Variants in LTBP1 observed in about 807,000 individuals in gnomAD.
LTBP1 encodes latent transforming growth factor beta binding protein 1, also known as latent-transforming growth factor beta-binding protein 1.
In LTBP1, 129 loss-of-function variants were observed where a neutral mutation model predicts 207.6. The ratio of observed to expected loss-of-function variants is 0.62; its 90% CI spans 0.54 to 0.72. LTBP1 has a LOEUF of 0.72. Among genes scored for constraint, LTBP1 ranks in the 30% least tolerant of loss-of-function variants. The probability of loss-of-function intolerance (pLI) is 0.00; values close to 1 mark genes in which losing one functional copy is unlikely to be tolerated. For missense variants in LTBP1, 2,281 were observed against 2,217.2 expected, an observed-to-expected ratio of 1.03 and a Z score of -0.58; for synonymous variants, 963 against 833.7, an observed-to-expected ratio of 1.16 and a Z score of -2.67.
chr2:33,085,319 T>C (rs2078686328), intron 3 of LTBP1, among the ~76,000 whole-genome samples: 1 of 152,152 alleles, frequency 6.6e-6, no homozygotes, highest in Non-Finnish European at 1.5e-5. Context: ...CCCTGGGAAG[T>C]TAATACACTG....
At chr2:33,378,511 C>T (rs2095172969) in intron 31 of LTBP1, among the ~76,000 whole-genome samples, 1 of 152,112 alleles carries the variant, frequency 6.6e-6, no homozygotes, top group Non-Finnish European at 1.5e-5. Flanking sequence ...GGATTACAGG[C>T]GTGAGTCACC....
chr2:33,255,218 G>A (rs547555831), intron 11 of LTBP1, among the ~76,000 whole-genome samples: 3 of 150,860 alleles, frequency 2.0e-5, no homozygotes, highest in South Asian at 2.1e-4. Flanking sequence ...GAGAATGATG[G>A]TTTCCAATTT....
intron 23 of LTBP1, among the ~76,000 whole-genome samples, chr2:33,309,840 G>A (rs957808454): frequency 2.0e-5 from 3 of 151,888 alleles, no homozygotes; most frequent in African/African-American, 7.3e-5. Context: ...CTTGGTACTG[G>A]GTTCTAAATT....
intron 19 of LTBP1, among the ~76,000 whole-genome samples, chr2:33,287,747 T>C (rs1048299858): frequency 6.6e-6 from 1 of 152,252 alleles, no homozygotes; most frequent in South Asian, 2.1e-4. Context: ...TTGAGGATTA[T>C]GTAACAAATG....
intron 13 of LTBP1, among the ~76,000 whole-genome samples, chr2:33,261,306 T>C (rs569744861): frequency 1.3e-5 from 2 of 152,308 alleles, no homozygotes; most frequent in African/African-American, 4.8e-5. Flanking sequence ...CTTGTTGGCA[T>C]TGGCCATGGC....
chr2:33,170,593 C>T (rs2085344016), intron 5 of LTBP1, among the ~76,000 whole-genome samples: 1 of 152,116 alleles, frequency 6.6e-6, no homozygotes, highest in African/African-American at 2.4e-5. Context: ...CACAGACAAA[C>T]AAAAAGACAG....
At chr2:33,148,922 G>C (rs1324122574) in intron 5 of LTBP1, among the ~76,000 whole-genome samples, 1 of 152,108 alleles carries the variant, frequency 6.6e-6, no homozygotes. Flanking sequence ...ACGTACAAGA[G>C]AGCTCCCATG....
chr2:33,353,589 C>G (rs186949044), intron 26 of LTBP1, among the ~76,000 whole-genome samples: 1 of 152,240 alleles, frequency 6.6e-6, no homozygotes, highest in East Asian at 1.9e-4. Flanking sequence ...CTAGCTACTT[C>G]TACAGAATAA....
chr2:33,225,951 A>G (rs1573292501), intron 9 of LTBP1, among the ~76,000 whole-genome samples: 1 of 152,190 alleles, frequency 6.6e-6, no homozygotes, highest in East Asian at 1.9e-4. Context: ...TGTTTTGTAT[A>G]TACACCACAT....
At chr2:33,363,062 A>G (rs191511796) in intron 28 of LTBP1, among the ~76,000 whole-genome samples, 1 of 152,216 alleles carries the variant, frequency 6.6e-6, no homozygotes, top group Non-Finnish European at 1.5e-5. Flanking sequence ...CTTAAAAGGT[A>G]TATATCCTTT....
At chr2:33,275,249 A>AT (rs927174205) in intron 17 of LTBP1, among the ~76,000 whole-genome samples, 159 bp downstream of exon 17, 1 of 152,158 alleles carries the variant, frequency 6.6e-6, no homozygotes, top group Non-Finnish European at 1.5e-5. Context: ...ATAAAAATGG[A>AT]TTTTTTTCCC....
At chr2:33,235,018 AG>A in intron 9 of LTBP1, among the ~76,000 whole-genome samples, 1 of 152,326 alleles carries the variant, frequency 6.6e-6, no homozygotes, top group South Asian at 2.1e-4. Flanking sequence ...AAACACCAAA[AG>A]CAATGGCAAA....
At chr2:33,393,203 C>T (rs1438836972) in intron 32 of LTBP1, among the ~76,000 whole-genome samples, 1 of 148,966 alleles carries the variant, frequency 6.7e-6, no homozygotes, top group Admixed American at 6.7e-5. Flanking sequence ...TCCTCCCACC[C>T]TCCACTAGTG....
chr2:33,260,326 C>G (rs959463147), intron 13 of LTBP1, among the ~76,000 whole-genome samples: 1 of 152,094 alleles, frequency 6.6e-6, no homozygotes, highest in African/African-American at 2.4e-5. Flanking sequence ...TATTGCTAGA[C>G]TAAATTATCG....
chr2:33,340,873 A>G (rs1322532057), intron 24 of LTBP1, among the ~76,000 whole-genome samples: 1 of 152,128 alleles, frequency 6.6e-6, no homozygotes, highest in African/African-American at 2.4e-5. Context: ...TTACAGATAG[A>G]CTGTAATAGG....
In LTBP1 at chr2:32,947,788, TGCAGGTTCACCAGAAGCA is replaced by T; in HGVS notation, c.469_486del (p.Val157_Gln162del). On this transcript the variant is annotated inframe_deletion, in exon 1 of 34. Transcript: ENST00000404816. ...ACCCAGAGCGGCGGAGGCTCTAGGC[TGCAGGTTCACCAGAAGCA>T]GCAGCTGCAGGGGTAAGCCCACACC... 6.7e-7 allele frequency: 1 copy of T among 1,485,236 alleles called. No homozygotes were observed. The highest frequency in any genetic ancestry group is 1.8e-4 in the Middle Eastern group (1 of 5,484). The allele number at this position is 1,485,236 out of a possible 1,614,324, so 92.0% of individuals were successfully genotyped here. A position where few individuals can be genotyped will look rare whatever the true frequency, so the allele number is the denominator to read the frequency against.
At chr2:33,308,328 A>G (rs1440277318) in intron 22 of LTBP1, among the ~76,000 whole-genome samples, 1 of 152,162 alleles carries the variant, frequency 6.6e-6, no homozygotes, top group Non-Finnish European at 1.5e-5. Context: ...TTAGTTGCGC[A>G]TTTGCTATGA....
chr2:33,020,771 C>A (rs1164973684), intron 2 of LTBP1, 138 bp from the exon 3 acceptor site: 2 of 785,418 alleles, frequency 2.5e-6, no homozygotes, highest in Non-Finnish European at 4.0e-6. Flanking sequence ...CCCAACTGCC[C>A]CACCTTCCTC....
chr2:33,112,038 T>C (rs2080442418), intron 4 of LTBP1, among the ~76,000 whole-genome samples: 1 of 152,242 alleles, frequency 6.6e-6, no homozygotes, highest in Non-Finnish European at 1.5e-5. Context: ...AAGGAAAAGA[T>C]GTACTTCTTA....
Sources: gnomAD v4.1 joint callset for allele counts (sites outside exome capture counted in the v4.1 genomes callset) on GRCh38, gnomAD v4.1.1 for gene constraint, MANE v1.5 for transcripts, NCBI Gene and HGNC (gene_info 2026-07-23, HGNC 2026-07-21) for gene names.